The following STPG2 variants were observed in gnomAD, a reference collection of about 807,000 sequenced individuals.
The protein encoded by STPG2 is sperm-tail PG-rich repeat-containing protein 2.
In STPG2, 56 loss-of-function variants were observed where a neutral mutation model predicts 54.2. The ratio of observed to expected loss-of-function variants is 1.03; its 90% confidence interval spans 0.83 to 1.29. STPG2 has a LOEUF of 1.29. Ranked by LOEUF, STPG2 falls within the 50% of genes most tolerant of loss-of-function variation. The pLI, the probability that STPG2 is intolerant of heterozygous loss-of-function variation, is 0.00. For synonymous variants in STPG2, 200 were observed against 181.8 expected (o/e 1.10, Z -0.81); for missense variants, 596 against 544.9 (o/e 1.09, Z -0.93).
Position 97,442,004 on chromosome 4 carries a change from T to A in STPG2, c.463-254171A>T, listed in dbSNP as rs1057034347. Among the ~76,000 whole-genome samples, 32 of 152,044 alleles carry A rather than the reference T, an allele frequency of 2.1e-4. 1 individual carries two copies. Among genetic ancestry groups the A allele is most frequent in the Non-Finnish European group, 4.4e-5 (3 of 67,934 alleles). On this transcript the variant is annotated intron_variant, in intron 4 of 4. Transcript: ENST00000522676. ...AACAAATTTAGTTATAAAATAAACT[T>A]GTAACACATTAGAGGCTCTACTAGA...
intron 5 of STPG2, among the ~76,000 whole-genome samples, chr4:98,064,279 A>T (rs1022900320): frequency 8.5e-5 from 13 of 152,210 alleles, no homozygotes; most frequent in African/African-American, 2.7e-4. Context: ...TTATGAAATA[A>T]ACAACTTTGA....
intron 8 of STPG2, among the ~76,000 whole-genome samples, chr4:97,861,160 C>A (rs968951545): frequency 6.6e-6 from 1 of 152,004 alleles, no homozygotes; most frequent in South Asian, 2.1e-4. Context: ...ATACAATAAT[C>A]TGATTTAAAA....
chr4:97,583,941 A>G (rs2148892856), intron 10 of STPG2, among the ~76,000 whole-genome samples: 1 of 151,944 alleles, frequency 6.6e-6, no homozygotes, highest in Admixed American at 6.6e-5. Context: ...GGGCTTCAGC[A>G]CTCCACTGAC....
At chr4:97,543,883 T>C (rs1333224875) in intron 4 of STPG2, among the ~76,000 whole-genome samples, 1 of 152,102 alleles carries the variant, frequency 6.6e-6, no homozygotes, top group Admixed American at 6.6e-5. Context: ...TAGATCCTGG[T>C]AGAGCTCAAA....
intron 4 of STPG2, among the ~76,000 whole-genome samples, chr4:97,447,546 C>G (rs372815024): frequency 6.6e-6 from 1 of 151,560 alleles, no homozygotes; most frequent in South Asian, 2.1e-4. Flanking sequence ...GTCCTATGAC[C>G]CAGATGCTTC....
At chr4:97,997,578 AC>A (rs1735283465) in intron 5 of STPG2, among the ~76,000 whole-genome samples, 1 of 152,218 alleles carries the variant, frequency 6.6e-6, no homozygotes, top group African/African-American at 2.4e-5. Context: ...ATTGGAAATT[AC>A]ATTTCAATAT....
intron 4 of STPG2, among the ~76,000 whole-genome samples, chr4:97,505,227 C>T (rs1730818804): frequency 6.6e-6 from 1 of 151,774 alleles, no homozygotes; most frequent in South Asian, 2.1e-4. Context: ...TTTGGAAAAT[C>T]CTTGTGTTTA....
intron 8 of STPG2, among the ~76,000 whole-genome samples, chr4:97,854,827 T>A (rs548933574): frequency 6.6e-6 from 1 of 152,180 alleles, no homozygotes; most frequent in Non-Finnish European, 1.5e-5. Flanking sequence ...TTTGGTTTGC[T>A]GAACAGATCA....
intron 4 of STPG2, among the ~76,000 whole-genome samples, chr4:97,517,507 C>A (rs933348224): frequency 6.6e-6 from 1 of 152,100 alleles, no homozygotes; most frequent in African/African-American, 2.4e-5. Context: ...TCTCTGACTG[C>A]TATTTGGAGA....
intron 9 of STPG2, among the ~76,000 whole-genome samples, chr4:97,739,748 G>C (rs1725156676): frequency 6.6e-6 from 1 of 152,136 alleles, no homozygotes; most frequent in African/African-American, 2.4e-5. Flanking sequence ...AAAGAGTCCA[G>C]GACCAGATGG....
intron 9 of STPG2, among the ~76,000 whole-genome samples, chr4:97,771,303 C>T (rs1176247938): frequency 1.3e-5 from 2 of 152,064 alleles, no homozygotes; most frequent in Non-Finnish European, 2.9e-5. Flanking sequence ...AAAAGAGTAA[C>T]TCTAGGATAT....
intron 9 of STPG2, among the ~76,000 whole-genome samples, chr4:97,747,786 C>T (rs1220259340): frequency 1.3e-5 from 2 of 151,382 alleles, no homozygotes; most frequent in African/African-American, 2.4e-5. Context: ...AGGGCAGATA[C>T]TCTTGATTTC....
chr4:97,973,517 T>C (rs1734405067), intron 6 of STPG2, among the ~76,000 whole-genome samples: 2 of 152,236 alleles, frequency 1.3e-5, no homozygotes, highest in Admixed American at 6.5e-5. Flanking sequence ...TGCAGAAATT[T>C]GCATAAGTAA....
intron 8 of STPG2, chr4:97,916,693 G>C (rs892593334): frequency 2.0e-5 from 3 of 152,952 alleles, no homozygotes; most frequent in African/African-American, 7.2e-5. Flanking sequence ...CATGTTGATG[G>C]CCACATTCAT....
At chr4:97,707,709 T>C (rs1001754006) in intron 10 of STPG2, among the ~76,000 whole-genome samples, 2 of 151,754 alleles carry the variant, frequency 1.3e-5, no homozygotes, top group African/African-American at 4.8e-5. Flanking sequence ...ATAATAAAGA[T>C]GATAGTCCAA....
downstream of STPG2, among the ~76,000 whole-genome samples, chr4:97,554,185 AAAAG>A (rs1171184485): frequency 6.6e-6 from 1 of 152,144 alleles, no homozygotes; most frequent in African/African-American, 2.4e-5. Context: ...CTTCCTCCTC[AAAAG>A]AAAGGTGAGA....
At chr4:97,843,370 G>A (rs897211038) in intron 8 of STPG2, among the ~76,000 whole-genome samples, 2 of 151,788 alleles carry the variant, frequency 1.3e-5, no homozygotes, top group Non-Finnish European at 2.9e-5. Flanking sequence ...TAGGCTTAGT[G>A]TCCTGACTTC....
At chr4:98,091,771 T>C (rs996255641) in intron 5 of STPG2, among the ~76,000 whole-genome samples, 1 of 151,852 alleles carries the variant, frequency 6.6e-6, no homozygotes, top group African/African-American at 2.4e-5. Flanking sequence ...TGTGTGTATA[T>C]ACATATATAT....
chr4:97,947,268 AATCTT>A (rs1733267285), intron 7 of STPG2, among the ~76,000 whole-genome samples: 1 of 152,114 alleles, frequency 6.6e-6, no homozygotes. Flanking sequence ...TATCAAATCT[AATCTT>A]ATCTCTAGGC....
Sources: gnomAD v4.1 joint callset for allele counts (sites outside exome capture counted in the v4.1 genomes callset) on GRCh38, gnomAD v4.1.1 for gene constraint, MANE v1.5 for transcripts, NCBI Gene and HGNC (gene_info 2026-07-23, HGNC 2026-07-21) for gene names.